Variants in NOL4 observed in about 807,000 individuals in gnomAD.
The protein encoded by NOL4 is cancer/testis antigen 125.
A neutral mutation model predicts 75.9 loss-of-function variants in NOL4; 17 were observed. The observed-to-expected ratio is 0.22, with a 90% CI of 0.15 to 0.34. The LOEUF (loss-of-function observed/expected upper bound fraction) is 0.34. Ranked by LOEUF, NOL4 falls within the 10% of genes least tolerant of loss-of-function variation. The pLI is 1.00. For synonymous variants in NOL4, 292 were observed against 289.9 expected, an observed-to-expected ratio of 1.01 and a Z score of -0.07; for missense variants, 614 against 793.5, an observed-to-expected ratio of 0.77 and a Z score of 2.72.
chr18:34,077,896 C>T (rs541924977), intron 5 of NOL4, among the ~76,000 whole-genome samples: 1 of 152,068 alleles, frequency 6.6e-6, no homozygotes, highest in Non-Finnish European at 1.5e-5. Flanking sequence ...CAAATAGTAA[C>T]CTACTCATGT....
chr18:34,174,419 T>A (rs942976490), intron 1 of NOL4, among the ~76,000 whole-genome samples: 7 of 152,158 alleles, frequency 4.6e-5, no homozygotes, highest in African/African-American at 1.4e-4. Context: ...ATAAAAAAGC[T>A]AAGTCTTGGT....
At chr18:33,880,725 C>G (rs915703056) in intron 10 of NOL4, among the ~76,000 whole-genome samples, 67 of 152,112 alleles carry the variant, frequency 4.4e-4, no homozygotes, top group African/African-American at 1.5e-3. Context: ...AAATCAAAAG[C>G]CTCTTTGAAC....
intron 4 of NOL4, among the ~76,000 whole-genome samples, chr18:34,094,099 A>T (rs2145559521): frequency 6.6e-6 from 1 of 152,282 alleles, no homozygotes; most frequent in African/African-American, 2.4e-5. Flanking sequence ...CCTTCAAGGA[A>T]TTTCAAGACT....
At position 34,074,001 on chromosome 18, in the gene NOL4, G is replaced by GA. The variant is rs1403160487; in HGVS notation, c.772+19463dup. 9.9e-5 allele frequency among the ~76,000 whole-genome samples: 15 copies of GA among 151,188 alleles called. No homozygotes were observed. In the South Asian group the frequency reaches 1.0e-3, roughly 11 times the overall value. On this transcript the variant is annotated intron_variant, in intron 5 of 10. Coordinates refer to ENST00000261592, the MANE Select transcript of NOL4 (RefSeq NM_003787.5). ...AGCCAATATATAATGTCTAACTAAG[G>GA]AAAAAATCAAGAAATAGCAAAAACA... is the stretch of plus-strand genomic sequence containing the variant.
intron 5 of NOL4, among the ~76,000 whole-genome samples, chr18:34,034,658 G>A (rs573263195): frequency 6.6e-6 from 1 of 152,164 alleles, no homozygotes; most frequent in South Asian, 2.1e-4. Context: ...AGAATCACTT[G>A]AACTTCGGGA....
At chr18:34,105,225 G>T (rs544007898) in intron 2 of NOL4, 65 bp from the exon 3 acceptor site, 5 of 1,077,762 alleles carry the variant, frequency 4.6e-6, no homozygotes, top group African/African-American at 3.1e-5. Flanking sequence ...TAACAGAAAT[G>T]ATCATTGTAT....
rs1248186752 is a variant in NOL4 at position 34,131,041 on chromosome 18, C to G, written c.265-1021G>C. Among the ~76,000 whole-genome samples the G allele has an allele frequency of 2.7e-5, 4 of 149,284 alleles. No homozygotes were observed. In the Admixed American group the frequency reaches 2.7e-4, roughly 10 times the overall value. On this transcript the variant is annotated intron_variant, in intron 1 of 10. Transcript: ENST00000261592. The stretch of plus-strand genomic sequence containing the variant: ...TGAAAGGGCTTCCTGCTTGCAAACA[C>G]ACACATACACATACACACACACACA...
At chr18:34,113,004 G>A (rs935303602) in intron 2 of NOL4, among the ~76,000 whole-genome samples, 4 of 152,146 alleles carry the variant, frequency 2.6e-5, no homozygotes, top group Non-Finnish European at 5.9e-5. Flanking sequence ...AGGGTCACAG[G>A]GTCTCTTTCT....
intron 4 of NOL4, among the ~76,000 whole-genome samples, chr18:34,100,187 A>G (rs2145626848): frequency 6.6e-6 from 1 of 152,148 alleles, no homozygotes; most frequent in South Asian, 2.1e-4. Context: ...TGTACAAGAA[A>G]TCCTACCTAT....
intron 6 of NOL4, among the ~76,000 whole-genome samples, chr18:33,994,516 T>G (rs928899761): frequency 2.8e-4 from 42 of 151,784 alleles, no homozygotes; most frequent in Non-Finnish European, 1.0e-4. Flanking sequence ...TATGTAGAAA[T>G]TAAGCAATAC....
At chr18:34,058,425 C>A (rs117311834) in intron 5 of NOL4, among the ~76,000 whole-genome samples, 2 of 152,310 alleles carry the variant, frequency 1.3e-5, no homozygotes, top group African/African-American at 2.4e-5. Context: ...TGAGCCACTG[C>A]GCCCGGCCTC....
intron 5 of NOL4, among the ~76,000 whole-genome samples, chr18:34,037,786 ACC>A (rs2144753618): frequency 6.6e-6 from 1 of 152,262 alleles, no homozygotes; most frequent in East Asian, 1.9e-4. Context: ...ACTTACACTT[ACC>A]CAAAATTATA....
At chr18:34,121,210 A>G (rs763387801) in intron 2 of NOL4, 16 of 152,242 alleles carry the variant, frequency 1.1e-4, no homozygotes, top group Non-Finnish European at 2.1e-4. Flanking sequence ...ATGAAGAATT[A>G]CATTAAAAGA....
chr18:34,213,051 G>A (rs918424710), intron 1 of NOL4, among the ~76,000 whole-genome samples: 3 of 152,136 alleles, frequency 2.0e-5, no homozygotes, highest in Non-Finnish European at 4.4e-5. Flanking sequence ...ACTCAAAGGA[G>A]AAGGGATTAT....
chr18:34,190,751 CAATA>C (rs1163734612), intron 1 of NOL4, among the ~76,000 whole-genome samples: 15 of 150,932 alleles, frequency 9.9e-5, no homozygotes, highest in African/African-American at 3.6e-4. Context: ...TATATTTTAC[CAATA>C]ATTTAAATTA....
intron 5 of NOL4, among the ~76,000 whole-genome samples, chr18:34,063,756 G>A (rs2077156669): frequency 6.6e-6 from 1 of 151,632 alleles, no homozygotes; most frequent in Non-Finnish European, 1.5e-5. Context: ...AAACATTATT[G>A]TTTCCAGATA....
chr18:34,080,216 G>T (rs962458864), intron 5 of NOL4, among the ~76,000 whole-genome samples: 18 of 152,190 alleles, frequency 1.2e-4, no homozygotes, highest in Admixed American at 4.6e-4. Context: ...CCATCCTCAG[G>T]TCAAACTGTA....
At chr18:34,048,689 C>G in intron 5 of NOL4, 1 of 779,158 alleles carries the variant, frequency 1.3e-6, no homozygotes, top group Non-Finnish European at 1.6e-6. Context: ...TTCAAAGACT[C>G]AGGGAAACAT....
At chr18:34,134,485 C>CACAT (rs2080808026) in intron 1 of NOL4, among the ~76,000 whole-genome samples, 1 of 134,680 alleles carries the variant, frequency 7.4e-6, no homozygotes, top group Non-Finnish European at 1.6e-5. Context: ...CACACACACA[C>CACAT]ACACACACAC....
Sources: gnomAD v4.1 joint callset for allele counts (sites outside exome capture counted in the v4.1 genomes callset) on GRCh38, gnomAD v4.1.1 for gene constraint, MANE v1.5 for transcripts, NCBI Gene and HGNC (gene_info 2026-07-23, HGNC 2026-07-21) for gene names.